The following OVCH1 variants were observed in gnomAD, a reference collection of about 807,000 sequenced individuals.
OVCH1 encodes ovochymase 1.
A neutral mutation model predicts 138.4 loss-of-function variants in OVCH1; 139 were observed. The ratio of observed to expected loss-of-function variants is 1.00; its 90% CI spans 0.87 to 1.16. The LOEUF (loss-of-function observed/expected upper bound fraction) is 1.16, where lower values mean the gene tolerates loss of function less well. Among genes scored for constraint, OVCH1 ranks in the 50% most tolerant of loss-of-function variants. The pLI is 0.00. For synonymous variants in OVCH1, 453 were observed against 467.8 expected (o/e 0.97, Z 0.41); for missense variants, 1,367 against 1,357.9 (o/e 1.01, Z -0.11).
intron 26 of OVCH1, among the ~76,000 whole-genome samples, chr12:29,438,054 A>G (rs1020062215): frequency 2.0e-5 from 3 of 152,178 alleles, no homozygotes; most frequent in African/African-American, 7.2e-5. Context: ...GATGCAGAAG[A>G]GTTTTTAATT....
intron 13 of OVCH1, 75 bp from the exon 14 acceptor site, chr12:29,475,264 C>A: frequency 6.6e-6 from 8 of 1,203,496 alleles, no homozygotes; most frequent in Non-Finnish European, 7.7e-6. Context: ...AATAATCACC[C>A]AATTTTCTAA....
chr12:29,495,053 A>G (rs149744139), intron 4 of OVCH1, among the ~76,000 whole-genome samples: 51 of 152,078 alleles, frequency 3.4e-4, no homozygotes, highest in Non-Finnish European at 6.6e-4. Flanking sequence ...ATGGAAATAA[A>G]TGAAAGGGAA....
At chr12:29,439,058 CTTAA>C (rs1374504669) in intron 26 of OVCH1, among the ~76,000 whole-genome samples, 1 of 152,184 alleles carries the variant, frequency 6.6e-6, no homozygotes, top group African/African-American at 2.4e-5. Context: ...CAGAACAATT[CTTAA>C]TTAGAGACAA....
chr12:29,406,989 A>G, the OVCH1 span, among the ~76,000 whole-genome samples: 1 of 149,118 alleles, frequency 6.7e-6, no homozygotes, highest in South Asian at 2.2e-4. Flanking sequence ...CTTTTTAATG[A>G]TTGCCATTCT....
rs541283700 is a variant in OVCH1 at position 29,465,360 on chromosome 12, A to C, written c.1857-141T>G. ...AAAGAGGTTTATGAAGAAGAGGTTTAATTGACTTACAATTCTGCATGGCTG... is the reference window on the plus strand; with the variant it reads ...AAAGAGGTTTATGAAGAAGAGGTTTCATTGACTTACAATTCTGCATGGCTG... On this transcript the variant is annotated intron_variant, in intron 16 of 27. Transcript: ENST00000318184. 130 of 712,842 alleles carry C rather than the reference A, an allele frequency of 1.8e-4. 1 individual carries two copies. In the African/African-American group the frequency reaches 2.3e-3, roughly 12 times the overall value. The allele number at this position is 712,842 out of a possible 1,614,324, so 44.2% of individuals were successfully genotyped here.
At chr12:29,466,998 A>G (rs1405070083) in intron 16 of OVCH1, among the ~76,000 whole-genome samples, 1 of 152,136 alleles carries the variant, frequency 6.6e-6, no homozygotes, top group Non-Finnish European at 1.5e-5. Flanking sequence ...AACCATGCTC[A>G]TTTCAATTCC....
chr12:29,439,477 AC>A, intron 25 of OVCH1: 2 of 1,462,582 alleles, frequency 1.4e-6, no homozygotes, highest in African/African-American at 1.5e-5. Context: ...CAAACAAAAA[AC>A]AAAAAGCAAA....
intron 15 of OVCH1, 144 bp downstream of exon 15, chr12:29,472,885 T>C: frequency 1.5e-6 from 1 of 667,710 alleles, no homozygotes; most frequent in Non-Finnish European, 2.5e-6. Context: ...AATATGACTC[T>C]GGACGTTTTA....
At chr12:29,454,741 G>T (rs974273491) in intron 21 of OVCH1, 100 bp downstream of exon 21, 5 of 1,039,746 alleles carry the variant, frequency 4.8e-6, no homozygotes, top group Non-Finnish European at 7.2e-6. Flanking sequence ...AAACACAGAG[G>T]TTATAGTGTT....
Position 29,454,845 on chromosome 12 carries a change from C to T in OVCH1, c.2526G>A (p.Trp842Ter). 6.2e-7 allele frequency: 1 copy of T among 1,605,776 alleles called. No individual in the cohort carries two copies. Among genetic ancestry groups the T allele is most frequent in the African/African-American group, 1.3e-5 (1 of 74,804 alleles). Residue 842 changes from tryptophan (W) to a stop codon, truncating the protein, a stop_gained, in exon 21 of 28, where the codon TGG becomes TGA. Transcript: ENST00000318184. LOFTEE classifies it high-confidence loss of function. ...GATAATGTAAACATTTATTACCTGG[C>T]CAAGATGCACTGTCTGGTGAAGGTG...
At chr12:29,415,295 A>T (rs559038637) in intron 3 of OVCH1, among the ~76,000 whole-genome samples, 64 of 152,318 alleles carry the variant, frequency 4.2e-4, no homozygotes, top group African/African-American at 1.5e-3. Flanking sequence ...ACGACTGTGG[A>T]TATTAGAAGA....
intron 23 of OVCH1, 136 bp from the exon 24 acceptor site, chr12:29,444,416 G>T (rs1941563289): frequency 1.0e-6 from 1 of 955,688 alleles, no homozygotes. Flanking sequence ...GGAGGTGGTT[G>T]GTTTCACTGA....
At chr12:29,433,277 G>A (rs1176671333) in intron 27 of OVCH1, among the ~76,000 whole-genome samples, 2 of 152,110 alleles carry the variant, frequency 1.3e-5, no homozygotes, top group African/African-American at 2.4e-5. Context: ...ATGGGGGTGG[G>A]CTTTTCCCAT....
intron 19 of OVCH1, among the ~76,000 whole-genome samples, chr12:29,458,747 A>C (rs1334381831): frequency 6.6e-6 from 1 of 152,182 alleles, no homozygotes; most frequent in Non-Finnish European, 1.5e-5. Flanking sequence ...ATCTGATGTG[A>C]GATTAATAAC....
At chr12:29,495,748 A>T (rs998389458) in intron 3 of OVCH1, among the ~76,000 whole-genome samples, 3 of 152,160 alleles carry the variant, frequency 2.0e-5, no homozygotes, top group Non-Finnish European at 2.9e-5. Flanking sequence ...TTGTAACAGG[A>T]TACAGAAGTT....
At chr12:29,455,490 A>C in intron 19 of OVCH1, 85 bp from the exon 20 acceptor site, 2 of 1,371,970 alleles carry the variant, frequency 1.5e-6, no homozygotes, top group Non-Finnish European at 2.0e-6. Flanking sequence ...ATGACCAATA[A>C]TGTATTTGTA....
At chr12:29,445,308 C>A (rs756609612) in exon 23 of OVCH1, 36 of 1,611,578 alleles carry the variant, frequency 2.2e-5, no homozygotes, top group Non-Finnish European at 3.0e-5. Flanking sequence ...TAGCTTATAC[C>A]AAATGCACCT....
At chr12:29,456,834 C>T (rs1219213203) in intron 19 of OVCH1, among the ~76,000 whole-genome samples, 1 of 152,168 alleles carries the variant, frequency 6.6e-6, no homozygotes. Context: ...ATTTTATAAA[C>T]CAGTTGTATC....
intron 14 of OVCH1, among the ~76,000 whole-genome samples, 161 bp downstream of exon 14, chr12:29,474,900 C>A (rs1274465121): frequency 3.9e-5 from 6 of 152,176 alleles, no homozygotes; most frequent in Admixed American, 3.3e-4. Context: ...CATCCCAGAT[C>A]TACAGAATCT....
Sources: gnomAD v4.1 joint callset for allele counts (sites outside exome capture counted in the v4.1 genomes callset) on GRCh38, gnomAD v4.1.1 for gene constraint, MANE v1.5 for transcripts, NCBI Gene and HGNC (gene_info 2026-07-23, HGNC 2026-07-21) for gene names.